MALT1: variants seen among roughly 807,000 people sequenced by gnomAD.
The protein encoded by MALT1 is MALT1 paracaspase, also known as mucosa-associated lymphoid tissue lymphoma translocation protein 1.
MALT1 carries 36 observed loss-of-function variants against 85.5 expected under a neutral mutation model. That is an observed-to-expected ratio of 0.42 (90% CI 0.32 to 0.56). MALT1 has a LOEUF of 0.56. Ranked by LOEUF, MALT1 falls within the 20% of genes least tolerant of loss-of-function variation. The pLI is 0.10. For missense variants in MALT1, 716 were observed against 981.6 expected, an observed-to-expected ratio of 0.73 and a Z score of 3.62; for synonymous variants, 359 against 361.3, an observed-to-expected ratio of 0.99 and a Z score of 0.07.
At chr18:58,686,891 T>C (rs1366809551) in intron 2 of MALT1, among the ~76,000 whole-genome samples, 1 of 152,232 alleles carries the variant, frequency 6.6e-6, no homozygotes, top group African/African-American at 2.4e-5. Context: ...AACAAACATT[T>C]ACATGGAAAA....
rs748643227 is a variant in MALT1 at position 58,745,812 on chromosome 18, T to C, written c.2037+21T>C. The C allele has an allele frequency of 1.4e-5, 22 of 1,600,854 alleles. 1 individual carries two copies. The South Asian group carries it at 2.5e-4, about 18-fold the overall frequency. On this transcript the variant is annotated intron_variant, in intron 16 of 16. Transcript: ENST00000649217. The stretch of plus-strand genomic sequence containing the variant: ...TAAAGGTTACTACCTTTTCTGTTTA[T>C]AGCTACTAATGGAAAACTTTATGAA...
intron 9 of MALT1, among the ~76,000 whole-genome samples, chr18:58,720,320 C>CTCTGTCGTGTCCTT (rs2054965806): frequency 6.6e-6 from 1 of 152,172 alleles, no homozygotes; most frequent in South Asian, 2.1e-4. Context: ...TTGTTCGTTT[C>CTCTGTCGTGTCCTT]TCTGTCGTGT....
chr18:58,712,525 A>T (rs2054844491), intron 7 of MALT1, among the ~76,000 whole-genome samples: 1 of 152,188 alleles, frequency 6.6e-6, no homozygotes, highest in Non-Finnish European at 1.5e-5. Context: ...TAGAGAGTAG[A>T]TTGAGACTGG....
At chr18:58,729,951 C>G (rs1330329850) in intron 10 of MALT1, among the ~76,000 whole-genome samples, 1 of 152,158 alleles carries the variant, frequency 6.6e-6, no homozygotes, top group Non-Finnish European at 1.5e-5. Context: ...GTTAGAAAGC[C>G]ACAAACCAGT....
intron 10 of MALT1, among the ~76,000 whole-genome samples, chr18:58,730,826 T>C (rs2055138575): frequency 6.6e-6 from 1 of 152,254 alleles, no homozygotes; most frequent in East Asian, 1.9e-4. Context: ...GTAGCCATCC[T>C]GGTGAGTTTA....
intron 4 of MALT1, among the ~76,000 whole-genome samples, chr18:58,701,850 G>T (rs756562171): frequency 1.3e-5 from 2 of 152,082 alleles, no homozygotes; most frequent in African/African-American, 4.8e-5. Context: ...GGAAAGTCTC[G>T]GTCTTAATAA....
intron 8 of MALT1, among the ~76,000 whole-genome samples, 194 bp downstream of exon 8, chr18:58,714,303 T>C (rs1439134829): frequency 2.0e-5 from 3 of 152,280 alleles, no homozygotes; most frequent in African/African-American, 7.2e-5. Flanking sequence ...TATTTTAGGT[T>C]ATAAAACTGT....
At chr18:58,744,976 C>G (rs2055347853) in intron 15 of MALT1, among the ~76,000 whole-genome samples, 2 of 152,220 alleles carry the variant, frequency 1.3e-5, no homozygotes, top group South Asian at 4.1e-4. Flanking sequence ...ATGAGTGTGA[C>G]AAACTGAGAA....
chr18:58,701,733 T>G, intron 4 of MALT1, among the ~76,000 whole-genome samples: 1 of 152,238 alleles, frequency 6.6e-6, no homozygotes, highest in African/African-American at 2.4e-5. Flanking sequence ...AGGAAGACTT[T>G]CTTGCTACCA....
At chr18:58,743,635 C>G (rs1424437988) in intron 14 of MALT1, among the ~76,000 whole-genome samples, 2 of 151,938 alleles carry the variant, frequency 1.3e-5, no homozygotes, top group African/African-American at 4.8e-5. Flanking sequence ...AATTAAGACC[C>G]TCCTCAGTAA....
chr18:58,747,902 C>A lies in MALT1; in HGVS notation c.*60C>A. 2.2e-6 allele frequency: 3 copies of A among 1,391,794 alleles called. No homozygotes were observed. Among genetic ancestry groups the A allele is most frequent in the Non-Finnish European group, 2.0e-6 (2 of 1,003,468 alleles). 86.2% of individuals were successfully genotyped at this position (1,391,794 alleles called of 1,614,324 possible). A position where few individuals can be genotyped will look rare whatever the true frequency, so the allele number is the denominator to read the frequency against. On this transcript the variant is annotated 3_prime_UTR_variant, in exon 17 of 17. Transcript: ENST00000649217. The stretch of plus-strand genomic sequence containing the variant: ...TGCCTGTGAAATAGTACTGCACTTA[C>A]ATAAAGTGAGACATTGTGAAAAGGC...
rs1290411986 is a variant in MALT1 at position 58,749,306 on chromosome 18, T to G, written c.*1464T>G. The stretch of plus-strand genomic sequence containing the variant: ...GAATTCTTAATTCATCCTAGCAAAT[T>G]CTACCTTATTTTACAGAAGTGAAAG... On this transcript the variant is annotated 3_prime_UTR_variant, in exon 17 of 17. Coordinates refer to ENST00000649217, the MANE Select transcript of MALT1 (RefSeq NM_006785.4). 1 of 216,608 alleles carries G rather than the reference T, an allele frequency of 4.6e-6. No homozygotes were observed. The highest frequency in any genetic ancestry group is 9.3e-6 in the Non-Finnish European group (1 of 107,632). The allele number at this position is 216,608 out of a possible 1,614,324, so 13.4% of individuals were successfully genotyped here. A position where few individuals can be genotyped will look rare whatever the true frequency, so the allele number is the denominator to read the frequency against.
chr18:58,745,251 A>G (rs1356741651), intron 15 of MALT1, among the ~76,000 whole-genome samples: 2 of 152,210 alleles, frequency 1.3e-5, no homozygotes, highest in Non-Finnish European at 2.9e-5. Context: ...AAGAAGAAAA[A>G]GGAAAAGGCT....
In MALT1 at chr18:58,750,313, G is replaced by C. The variant is rs1280540370; in HGVS notation, c.*2471G>C. On this transcript the variant is annotated 3_prime_UTR_variant, in exon 17 of 17. Coordinates refer to ENST00000649217, the MANE Select transcript of MALT1 (RefSeq NM_006785.4). ...TCATGGATTGGAAGACTGAATATTGGTAAGATGGCAATGCTGCCCAAATTA... is the reference window on the plus strand; with the variant it reads ...TCATGGATTGGAAGACTGAATATTGCTAAGATGGCAATGCTGCCCAAATTA... The C allele has an allele frequency of 6.3e-6, 1 of 158,336 alleles. No individual in the cohort carries two copies. The highest frequency in any genetic ancestry group is 1.4e-5 in the Non-Finnish European group (1 of 71,712). The allele number at this position is 158,336 out of a possible 1,614,324, so 9.8% of individuals were successfully genotyped here.
At position 58,676,623 on chromosome 18, in the gene MALT1, A is replaced by G. The variant is rs183310060; in HGVS notation, c.210-4547A>G. ...CATAATATTTAAAATTACCCTCTAC[A>G]TCTGCTCAGTGTTACCTGTCTACTT... On this transcript the variant is annotated intron_variant, in intron 1 of 16. Transcript: ENST00000649217. 4.3e-3 allele frequency among the ~76,000 whole-genome samples: 649 copies of G among 152,314 alleles called. 7 individuals carry two copies. Among genetic ancestry groups the G allele is most frequent in the African/African-American group, 0.014 (601 of 41,576 alleles).
Position 58,754,360 on chromosome 18 carries a change from A to G in MALT1, c.*6518A>G, listed in dbSNP as rs2055484403. On this transcript the variant is annotated 3_prime_UTR_variant, in exon 17 of 17. Transcript: ENST00000649217. ...TATACTTTTAGGTCACATTGAAAACATTTCCAAAGGATTTGACCTGAAGTT... is the reference window on the plus strand; with the variant it reads ...TATACTTTTAGGTCACATTGAAAACGTTTCCAAAGGATTTGACCTGAAGTT... 6.6e-6 allele frequency: 1 copy of G among 152,254 alleles called. No individual in the cohort carries two copies. The highest frequency in any genetic ancestry group is 1.5e-5 in the Non-Finnish European group (1 of 68,034). 9.4% of individuals were successfully genotyped at this position (152,254 alleles called of 1,614,324 possible).
At chr18:58,731,951 G>C (rs894021022) in intron 10 of MALT1, among the ~76,000 whole-genome samples, 2 of 152,002 alleles carry the variant, frequency 1.3e-5, no homozygotes, top group Non-Finnish European at 2.9e-5. Context: ...TCTCATTTTA[G>C]CTGAAACGTA....
At chr18:58,733,841 C>T in intron 11 of MALT1, 1 of 1,172,976 alleles carries the variant, frequency 8.5e-7, no homozygotes, top group Non-Finnish European at 1.1e-6. Context: ...CTCCAGAATG[C>T]CTTTAGATGA....
intron 11 of MALT1, chr18:58,734,076 C>T: frequency 3.0e-6 from 4 of 1,323,960 alleles, no homozygotes; most frequent in Non-Finnish European, 2.9e-6. Flanking sequence ...CAGCATTTAC[C>T]AATCAAAATC....
Sources: allele counts gnomAD v4.1 joint callset (sites outside exome capture counted in the v4.1 genomes callset), GRCh38; gene constraint gnomAD v4.1.1; transcripts MANE v1.5; gene names NCBI Gene and HGNC (gene_info 2026-07-23, HGNC 2026-07-21).